Variants in EPHA6 observed in about 807,000 individuals in gnomAD.
The protein encoded by EPHA6 is ephrin type-A receptor 6.
A neutral mutation model predicts 112.0 loss-of-function variants in EPHA6; 50 were observed. That is an observed-to-expected ratio of 0.45 (90% CI 0.36 to 0.56). The LOEUF is 0.56. Among genes scored for constraint, EPHA6 ranks in the 20% least tolerant of loss-of-function variants. EPHA6 has a pLI of 0.00. For synonymous variants in EPHA6, 529 were observed against 490.7 expected (o/e 1.08, Z -1.03); for missense variants, 1,280 against 1,417.4 (o/e 0.90, Z 1.56).
chr3:97,579,146 T>C (rs766206956), intron 11 of EPHA6, among the ~76,000 whole-genome samples: 5 of 152,236 alleles, frequency 3.3e-5, no homozygotes, highest in Admixed American at 6.5e-5. Flanking sequence ...AACTCAAGGT[T>C]TGTGATTATA....
At chr3:97,227,771 T>C (rs1349611923) in intron 4 of EPHA6, among the ~76,000 whole-genome samples, 1 of 152,172 alleles carries the variant, frequency 6.6e-6, no homozygotes, top group Non-Finnish European at 1.5e-5. Flanking sequence ...ATGGCCATGT[T>C]AGCACAACCC....
chr3:97,120,835 T>C (rs1049739539), intron 3 of EPHA6, among the ~76,000 whole-genome samples: 4 of 151,966 alleles, frequency 2.6e-5, no homozygotes, highest in African/African-American at 9.7e-5. Flanking sequence ...TATTAAAAGG[T>C]ATAAACATAA....
At chr3:97,546,416 G>C (rs1005848284) in intron 11 of EPHA6, among the ~76,000 whole-genome samples, 2 of 152,236 alleles carry the variant, frequency 1.3e-5, no homozygotes, top group South Asian at 2.1e-4. Context: ...GGCTTGTAGA[G>C]TTTCTGCAGA....
chr3:97,024,798 T>G (rs1433950182), intron 3 of EPHA6, among the ~76,000 whole-genome samples: 1 of 152,216 alleles, frequency 6.6e-6, no homozygotes, highest in Non-Finnish European at 1.5e-5. Context: ...TCCTTCCTAT[T>G]TTAGTGTTAG....
intron 5 of EPHA6, among the ~76,000 whole-genome samples, chr3:97,393,924 G>A (rs939464640): frequency 1.3e-5 from 2 of 151,732 alleles, no homozygotes; most frequent in African/African-American, 4.8e-5. Context: ...TTATGGGTGA[G>A]TAGTGTATCA....
intron 1 of EPHA6, among the ~76,000 whole-genome samples, chr3:96,817,903 T>G (rs2032928742): frequency 1.3e-5 from 2 of 151,902 alleles, no homozygotes; most frequent in African/African-American, 4.8e-5. Flanking sequence ...TTTAACTGAG[T>G]GTGAAGCTGA....
intron 5 of EPHA6, among the ~76,000 whole-genome samples, chr3:97,334,487 T>TTTC (rs2082961319): frequency 6.7e-6 from 1 of 149,510 alleles, no homozygotes; most frequent in African/African-American, 2.5e-5. Context: ...TCTTTTTTTT[T>TTTC]TTTTTTTGAT....
At chr3:97,693,994 G>A (rs1276014481) in intron 14 of EPHA6, among the ~76,000 whole-genome samples, 1 of 151,940 alleles carries the variant, frequency 6.6e-6, no homozygotes, top group Non-Finnish European at 1.5e-5. Context: ...AAAGGTAATA[G>A]AAATAAAGAA....
chr3:96,967,441 T>C (rs2042165324), intron 2 of EPHA6, among the ~76,000 whole-genome samples: 1 of 151,888 alleles, frequency 6.6e-6, no homozygotes, highest in African/African-American at 2.4e-5. Context: ...GACTGTATGA[T>C]ATTCTGTCAT....
chr3:96,984,873 T>G (rs747664401), intron 2 of EPHA6, among the ~76,000 whole-genome samples: 4 of 152,198 alleles, frequency 2.6e-5, no homozygotes, highest in Non-Finnish European at 5.9e-5. Flanking sequence ...AATCTCCTGG[T>G]GTGCCATTTG....
intron 14 of EPHA6, among the ~76,000 whole-genome samples, chr3:97,704,750 C>T (rs1344406259): frequency 6.6e-6 from 1 of 152,072 alleles, no homozygotes; most frequent in Non-Finnish European, 1.5e-5. Flanking sequence ...ACATGACTAA[C>T]TTTGACTCTC....
At chr3:97,411,195 T>C (rs1208606748) in intron 6 of EPHA6, among the ~76,000 whole-genome samples, 1 of 151,982 alleles carries the variant, frequency 6.6e-6, no homozygotes. Context: ...AGGTTTTATA[T>C]CCAATTTCCA....
chr3:97,602,621 T>C (rs747884221), intron 12 of EPHA6, among the ~76,000 whole-genome samples: 3 of 152,054 alleles, frequency 2.0e-5, no homozygotes, highest in Non-Finnish European at 4.4e-5. Flanking sequence ...TCAGTAACCT[T>C]ACCTGTTAAA....
intron 10 of EPHA6, among the ~76,000 whole-genome samples, chr3:97,523,205 C>G (rs1483821036): frequency 6.6e-6 from 1 of 151,932 alleles, no homozygotes; most frequent in Non-Finnish European, 1.5e-5. Context: ...TTGGTGCATC[C>G]CATAAGTTTA....
At chr3:97,149,777 C>T (rs1167396817) in intron 3 of EPHA6, among the ~76,000 whole-genome samples, 1 of 151,170 alleles carries the variant, frequency 6.6e-6, no homozygotes, top group Non-Finnish European at 1.5e-5. Context: ...AATTTATTAT[C>T]ATTTTAAGTA....
chr3:96,994,681 ATG>A (rs1170611401), intron 3 of EPHA6, among the ~76,000 whole-genome samples: 3 of 132,366 alleles, frequency 2.3e-5, no homozygotes, highest in Non-Finnish European at 3.2e-5. Context: ...CCTGCTGAGA[ATG>A]TGTGTGTGTA....
chr3:97,011,325 G>C (rs192892869), intron 3 of EPHA6, among the ~76,000 whole-genome samples: 9 of 152,330 alleles, frequency 5.9e-5, no homozygotes, highest in Admixed American at 3.9e-4. Context: ...CTCAGTAGAG[G>C]TCAGGTTAGG....
intron 3 of EPHA6, among the ~76,000 whole-genome samples, chr3:97,018,113 G>C (rs1396599684): frequency 6.6e-6 from 1 of 151,072 alleles, no homozygotes; most frequent in Non-Finnish European, 1.5e-5. Context: ...ACATTTTTCA[G>C]CTCCAGAATT....
intron 2 of EPHA6, among the ~76,000 whole-genome samples, chr3:96,892,388 T>C (rs978966440): frequency 1.3e-5 from 2 of 151,138 alleles, no homozygotes; most frequent in East Asian, 3.9e-4. Context: ...TCCTGGTTAA[T>C]TTTTTTGTAC....
Sources: allele counts gnomAD v4.1 joint callset (sites outside exome capture counted in the v4.1 genomes callset), GRCh38; gene constraint gnomAD v4.1.1; transcripts MANE v1.5; gene names NCBI Gene and HGNC (gene_info 2026-07-23, HGNC 2026-07-21).